TRIM37: variants seen among roughly 807,000 people sequenced by gnomAD.
The protein encoded by TRIM37 is tripartite motif containing 37, also known as E3 ubiquitin-protein ligase TRIM37.
A neutral mutation model predicts 129.8 loss-of-function variants in TRIM37; 80 were observed. That is an observed-to-expected ratio of 0.62 (90% CI 0.51 to 0.74). TRIM37 has a LOEUF of 0.74. TRIM37 is among the 30% of genes least tolerant of loss of function. TRIM37 has a pLI of 0.00. For missense variants in TRIM37, 1,054 were observed against 1,176.5 expected (o/e 0.90, Z 1.52); for synonymous variants, 389 against 387.1 (o/e 1.00, Z -0.06).
At chr17:59,101,910 G>A (rs2045552188) in intron 2 of TRIM37, among the ~76,000 whole-genome samples, 1 of 150,308 alleles carries the variant, frequency 6.7e-6, no homozygotes, top group South Asian at 2.1e-4. Flanking sequence ...CTGCACTTTA[G>A]CCTGGGCAAC....
chr17:59,066,957 C>T (rs962072265), intron 9 of TRIM37, among the ~76,000 whole-genome samples: 2 of 152,004 alleles, frequency 1.3e-5, no homozygotes, highest in African/African-American at 4.8e-5. Flanking sequence ...CTGGCAGATT[C>T]GTAGAGTTGG....
chr17:59,073,341 T>C (rs1225915064), intron 8 of TRIM37, among the ~76,000 whole-genome samples: 17 of 152,160 alleles, frequency 1.1e-4, no homozygotes, highest in Non-Finnish European at 2.5e-4. Context: ...TCGCCCAGGC[T>C]GGAGTGCAGT....
At chr17:59,059,908 A>G in intron 12 of TRIM37, among the ~76,000 whole-genome samples, 1 of 152,186 alleles carries the variant, frequency 6.6e-6, no homozygotes, top group East Asian at 1.9e-4. Context: ...GTTGCAATAG[A>G]CACAGTTCCT....
At chr17:59,076,297 T>C (rs755168718) in intron 7 of TRIM37, among the ~76,000 whole-genome samples, 12 of 152,210 alleles carry the variant, frequency 7.9e-5, no homozygotes, top group African/African-American at 1.4e-4. Context: ...TCCCAGCACT[T>C]TGGGAGGCCA....
Position 59,061,050 on chromosome 17 carries a change from C to G in TRIM37, c.1001G>C (p.Gly334Ala). ...TTCTTACTTAGAAGTTTCAGGCAAG[C>G]CAGCTGAGAGCTCCAGAAACACAGA... is the stretch of plus-strand genomic sequence containing the variant. ...YLSVFLELSA[G>A]LPETSKYEYR... The change falls in exon 12 of 24, where the codon GGC (glycine) becomes GCC (alanine). Residue 334 changes from glycine to alanine, a missense_variant. Gly to Ala is a moderately conservative substitution (Grantham distance 60). This residue lies in a region of TRIM37 where 752 missense variants were observed against 870.8 expected (regional missense o/e 0.86). Transcript: ENST00000262294. The G allele has an allele frequency of 3.7e-6, 6 of 1,613,430 alleles. No individual in the cohort carries two copies. The highest frequency in any genetic ancestry group is 5.1e-6 in the Non-Finnish European group (6 of 1,179,596).
At chr17:59,074,124 ATGAT>A (rs1377817888) in intron 8 of TRIM37, among the ~76,000 whole-genome samples, 1 of 152,228 alleles carries the variant, frequency 6.6e-6, no homozygotes, top group Non-Finnish European at 1.5e-5. Context: ...CAATAAACAC[ATGAT>A]TAATGCTTTG....
downstream of TRIM37, among the ~76,000 whole-genome samples, chr17:58,994,498 G>A (rs1456863299): frequency 1.3e-5 from 2 of 152,142 alleles, no homozygotes; most frequent in Non-Finnish European, 2.9e-5. Flanking sequence ...GAGGTGGGAG[G>A]ATTGCTTGAG....
At position 59,087,018 on chromosome 17, in the gene TRIM37, T is replaced by A. The variant is rs1360501453; in HGVS notation, c.281+1273A>T. 2.0e-5 allele frequency among the ~76,000 whole-genome samples: 3 copies of A among 152,342 alleles called. No homozygotes were observed. In the East Asian group the frequency reaches 5.8e-4, roughly 29 times the overall value. On this transcript the variant is annotated intron_variant, in intron 4 of 23. Transcript: ENST00000262294. ...ATAGAAAAGAAATTAAATAATTATT[T>A]TTGGTGAGACCTCTACAATGCTACA...
intron 24 of TRIM37, among the ~76,000 whole-genome samples, chr17:58,991,695 G>A (rs2032423853): frequency 6.6e-6 from 1 of 152,092 alleles, no homozygotes; most frequent in Admixed American, 6.5e-5. Flanking sequence ...TATTAGAATG[G>A]CTAAAAAATG....
At position 58,998,931 on chromosome 17, in the gene TRIM37, T is replaced by C; in HGVS notation, c.*446A>G. On this transcript the variant is annotated 3_prime_UTR_variant, in exon 24 of 24. Coordinates refer to ENST00000262294, the MANE Select transcript of TRIM37 (RefSeq NM_015294.6). ...TTTCTGTTCACTAATCTACAGGCAC[T>C]AATGGAACTGTAATTAAAACCCCAA... The C allele has an allele frequency of 9.7e-7, 1 of 1,032,518 alleles. No homozygotes were observed. Among genetic ancestry groups the C allele is most frequent in the Non-Finnish European group, 1.2e-6 (1 of 857,968 alleles). 64.0% of individuals were successfully genotyped at this position (1,032,518 alleles called of 1,614,324 possible).
At chr17:59,091,247 A>G (rs2044272618) in intron 3 of TRIM37, 53 bp downstream of exon 3, 1 of 1,450,418 alleles carries the variant, frequency 6.9e-7, no homozygotes, top group Admixed American at 1.8e-5. Context: ...CCCAAGGCAC[A>G]TTCTGATCTT....
intron 19 of TRIM37, among the ~76,000 whole-genome samples, chr17:59,021,800 C>T (rs572783946): frequency 6.6e-6 from 1 of 151,928 alleles, no homozygotes; most frequent in Non-Finnish European, 1.5e-5. Flanking sequence ...AGGATAAATG[C>T]TTGAGATGAT....
chr17:59,101,796 G>A lies in TRIM37; in HGVS notation c.123+2497C>T, dbSNP rs555383961. Among the ~76,000 whole-genome samples the A allele has an allele frequency of 2.3e-4, 34 of 146,412 alleles. No homozygotes were observed. In the South Asian group the frequency reaches 6.4e-3, roughly 28 times the overall value. On this transcript the variant is annotated intron_variant, in intron 2 of 23. Transcript: ENST00000262294. ...TACATATATATATACAAAAATAGCC[G>A]GGCATCATGGAGTGCGCTGATACTC...
chr17:59,000,921 A>G (rs2033638973), intron 23 of TRIM37, among the ~76,000 whole-genome samples: 1 of 152,120 alleles, frequency 6.6e-6, no homozygotes, highest in South Asian at 2.1e-4. Flanking sequence ...TGGGCTGGGC[A>G]CGGTGGCTCA....
chr17:59,016,596 C>T (rs1050997479), intron 20 of TRIM37, among the ~76,000 whole-genome samples: 10 of 89,554 alleles, frequency 1.1e-4, no homozygotes, highest in African/African-American at 4.7e-4. Context: ...AACCCTGTCT[C>T]GGCAAAAAAA....
intron 4 of TRIM37, among the ~76,000 whole-genome samples, chr17:59,085,818 A>G (rs969824059): frequency 1.3e-5 from 2 of 152,028 alleles, no homozygotes; most frequent in East Asian, 1.9e-4. Flanking sequence ...ATGAATGGAC[A>G]AAAAAAATGT....
At chr17:59,017,518 T>C in intron 19 of TRIM37, 94 bp from the exon 20 acceptor site, 1 of 1,540,594 alleles carries the variant, frequency 6.5e-7, no homozygotes, top group Non-Finnish European at 9.0e-7. Flanking sequence ...TTACCTTGCA[T>C]GGAAGCTGTT....
chr17:58,981,101 G>C (rs1242553336), downstream of TRIM37: 31 of 1,117,346 alleles, frequency 2.8e-5, no homozygotes, highest in Non-Finnish European at 3.1e-5. Flanking sequence ...AAACAAGGTA[G>C]ACATTTCTAA....
chr17:59,062,533 G>C, intron 11 of TRIM37, 34 bp downstream of exon 11: 2 of 1,557,656 alleles, frequency 1.3e-6, no homozygotes, highest in Non-Finnish European at 1.8e-6. Context: ...AAAGACCTTG[G>C]TTTCAAAATT....
Sources: gnomAD v4.1 joint callset for allele counts (sites outside exome capture counted in the v4.1 genomes callset) on GRCh38, gnomAD v4.1.1 for gene constraint, gnomAD v4.1.1 regional missense constraint, MANE v1.5 for transcripts, NCBI Gene and HGNC (gene_info 2026-07-23, HGNC 2026-07-21) for gene names.